STARD13: variants seen among roughly 807,000 people sequenced by gnomAD.
The protein encoded by STARD13 is stAR-related lipid transfer protein 13.
Under a neutral mutation model 106.4 loss-of-function variants are expected in STARD13, and 62 were observed. The observed-to-expected ratio is 0.58, with a 90% CI of 0.48 to 0.72. The LOEUF is 0.72. STARD13 is among the 30% of genes least tolerant of loss of function. The pLI is 0.00. For synonymous variants in STARD13, 565 were observed against 553.0 expected, an observed-to-expected ratio of 1.02 and a Z score of -0.31; for missense variants, 1,387 against 1,424.0, an observed-to-expected ratio of 0.97 and a Z score of 0.42.
the STARD13 span, among the ~76,000 whole-genome samples, chr13:33,429,926 TTG>T: frequency 3.1e-3 from 436 of 138,686 alleles, 15 homozygotes; most frequent in African/African-American, 0.013. Context: ...TACTTTTTTT[TTG>T]GGGGGGGGGG....
the STARD13 span, among the ~76,000 whole-genome samples, chr13:33,582,104 C>A: frequency 6.6e-6 from 1 of 152,052 alleles, no homozygotes; most frequent in African/African-American, 2.4e-5. Context: ...TGCCTGTAGT[C>A]CCAGCTACTC....
At chr13:33,446,318 C>T in the STARD13 span, among the ~76,000 whole-genome samples, 1 of 151,846 alleles carries the variant, frequency 6.6e-6, no homozygotes, top group African/African-American at 2.4e-5. Context: ...CTATTCTTTC[C>T]CTGACTCAGG....
the STARD13 span, among the ~76,000 whole-genome samples, chr13:33,596,248 C>T: frequency 3.3e-5 from 5 of 152,082 alleles, no homozygotes; most frequent in South Asian, 2.1e-4. Flanking sequence ...CTATGATAGG[C>T]GAAACGCCCC....
the STARD13 span, among the ~76,000 whole-genome samples, chr13:33,559,111 A>G: frequency 1.3e-5 from 2 of 151,710 alleles, no homozygotes; most frequent in Admixed American, 1.3e-4. Flanking sequence ...ATGATTAGCA[A>G]AGACTGTTCG....
chr13:33,125,935 T>C lies in STARD13; in HGVS notation c.2082+146A>G, dbSNP rs1001657595. On this transcript the variant is annotated intron_variant, in intron 7 of 13. Transcript: ENST00000336934. ...GGACATGTCTTGTTCAAATTAAATA[T>C]TGCTACATAAAGGTCACAATGCCTT... 4.5e-5 allele frequency: 35 copies of C among 782,764 alleles called. 2 individuals carry two copies. The South Asian group carries it at 6.8e-4, about 15-fold the overall frequency. 48.5% of individuals were successfully genotyped at this position (782,764 alleles called of 1,614,324 possible).
intron 7 of STARD13, among the ~76,000 whole-genome samples, chr13:33,122,639 A>C (rs1876514971): frequency 6.6e-6 from 1 of 152,228 alleles, no homozygotes; most frequent in Admixed American, 6.5e-5. Context: ...TTTTATAAGC[A>C]TCTCTCTTGT....
At chr13:33,417,867 C>T in the STARD13 span, among the ~76,000 whole-genome samples, 1 of 152,124 alleles carries the variant, frequency 6.6e-6, no homozygotes, top group African/African-American at 2.4e-5. Flanking sequence ...AGCTGCAAAA[C>T]TCTGTGAATA....
rs773664940 is a variant in STARD13 at position 33,129,381 on chromosome 13, G to A, written c.1296C>T (p.Ser432=). 9 of 1,614,174 alleles carry A rather than the reference G, an allele frequency of 5.6e-6. No individual in the cohort carries two copies. In the South Asian group the frequency reaches 8.8e-5, roughly 16 times the overall value. ...NGVNWRTGSI[S]LGREQVPGAR... is the part of the protein sequence containing the mutation. Reference sequence around the variant, plus strand: ...CACCAGGGACCTGCTCTCTGCCCAGGGAGATGCTACCGGTCCTCCAATTAA... The same window carrying A: ...CACCAGGGACCTGCTCTCTGCCCAGAGAGATGCTACCGGTCCTCCAATTAA... Residue 432 remains serine (S), a synonymous_variant, in exon 5 of 14, where the codon TCC becomes TCT. Coordinates refer to ENST00000336934, the MANE Select transcript of STARD13 (RefSeq NM_178006.4).
At chr13:33,316,844 G>C (rs1170633593) in intron 1 of STARD13, among the ~76,000 whole-genome samples, 2 of 152,098 alleles carry the variant, frequency 1.3e-5, no homozygotes, top group East Asian at 3.9e-4. Flanking sequence ...CACCACTCCT[G>C]TGCAACCACA....
chr13:33,624,691 T>C, the STARD13 span, among the ~76,000 whole-genome samples: 3 of 152,220 alleles, frequency 2.0e-5, no homozygotes, highest in African/African-American at 7.2e-5. Flanking sequence ...ACAGTGTCTG[T>C]TAAATAGCAA....
At chr13:33,369,070 CAAAT>C in the STARD13 span, among the ~76,000 whole-genome samples, 3 of 107,024 alleles carry the variant, frequency 2.8e-5, no homozygotes, top group Non-Finnish European at 6.4e-5. Flanking sequence ...ACTAAACAAA[CAAAT>C]AATTTTTCCC....
chr13:33,250,304 G>T (rs1040102253), intron 1 of STARD13, among the ~76,000 whole-genome samples: 2 of 152,202 alleles, frequency 1.3e-5, no homozygotes, highest in Non-Finnish European at 1.5e-5. Flanking sequence ...CAAGCCAAAA[G>T]TTCCCTATAG....
intron 8 of STARD13, among the ~76,000 whole-genome samples, chr13:33,116,736 A>G (rs543029921): frequency 9.2e-5 from 14 of 152,394 alleles, no homozygotes; most frequent in African/African-American, 3.4e-4. Flanking sequence ...AACAACATCA[A>G]GAACTCCCTG....
chr13:33,553,361 G>A, the STARD13 span, among the ~76,000 whole-genome samples: 1 of 151,818 alleles, frequency 6.6e-6, no homozygotes, highest in African/African-American at 2.4e-5. Flanking sequence ...ATTTTAAGTA[G>A]CATGTGAATA....
the STARD13 span, among the ~76,000 whole-genome samples, chr13:33,477,359 G>A: frequency 6.6e-6 from 1 of 152,120 alleles, no homozygotes; most frequent in Non-Finnish European, 1.5e-5. Context: ...CTTTACCACA[G>A]GGGTCCCATT....
chr13:33,281,040 TTA>T (rs1474377479), intron 1 of STARD13: 6 of 152,296 alleles, frequency 3.9e-5, no homozygotes, highest in African/African-American at 1.4e-4. Context: ...TTCTAGTATG[TTA>T]CGTTTATGTT....
At chr13:33,432,471 G>A in the STARD13 span, among the ~76,000 whole-genome samples, 1 of 152,098 alleles carries the variant, frequency 6.6e-6, no homozygotes, top group East Asian at 1.9e-4. Context: ...GGAAGGGGCA[G>A]CTTCACAAAA....
In STARD13 at chr13:33,127,517, G is replaced by A. The variant is rs1370805117; in HGVS notation, c.1778C>T (p.Ser593Leu). ...TGCTGGGGCCGGCCGGGGCTGGTGCGACAGCTGGAAACTGTTCCATCGGAG... is the reference window on the plus strand; with the variant it reads ...TGCTGGGGCCGGCCGGGGCTGGTGCAACAGCTGGAAACTGTTCCATCGGAG... ...RRLRWNSFQL[S>L]HQPRPAPASP... The change falls in exon 6 of 14, where the codon TCG becomes TTG. Residue 593 changes from serine (S) to leucine (L), a missense_variant. By Grantham distance (145) the Ser-to-Leu change is moderately radical. Transcript: ENST00000336934. 1.6e-5 allele frequency: 25 copies of A among 1,564,826 alleles called. 1 individual carries two copies. Among genetic ancestry groups the A allele is most frequent in the East Asian group, 4.7e-5 (2 of 42,878 alleles).
At chr13:33,398,574 A>G in the STARD13 span, among the ~76,000 whole-genome samples, 1 of 152,120 alleles carries the variant, frequency 6.6e-6, no homozygotes, top group Non-Finnish European at 1.5e-5. Context: ...ATATAGATGC[A>G]GAATATATAT....
Sources: allele counts gnomAD v4.1 joint callset (sites outside exome capture counted in the v4.1 genomes callset), GRCh38; gene constraint gnomAD v4.1.1; transcripts MANE v1.5; gene names NCBI Gene and HGNC (gene_info 2026-07-23, HGNC 2026-07-21).